Variants in COX10 observed in about 807,000 individuals in gnomAD.
COX10 encodes cytochrome c oxidase assembly factor heme A:farnesyltransferase COX10.
Under a neutral mutation model 37.3 loss-of-function variants are expected in COX10, and 27 were observed. The ratio of observed to expected loss-of-function variants is 0.72; its 90% CI spans 0.53 to 1.00. The LOEUF is 1.00. COX10 is among the 50% of genes least tolerant of loss of function. The pLI, the probability that COX10 is intolerant of heterozygous loss-of-function variation, is 0.00. For missense variants in COX10, 475 were observed against 563.2 expected, an observed-to-expected ratio of 0.84 and a Z score of 1.59; for synonymous variants, 222 against 229.1, an observed-to-expected ratio of 0.97 and a Z score of 0.28.
At chr17:14,106,928 A>T (rs1412603142) in intron 4 of COX10, among the ~76,000 whole-genome samples, 1 of 152,190 alleles carries the variant, frequency 6.6e-6, no homozygotes, top group African/African-American at 2.4e-5. Context: ...TACAGTGCAG[A>T]TGTTTCATGT....
At chr17:14,117,777 A>T (rs1296496883) in intron 4 of COX10, among the ~76,000 whole-genome samples, 1 of 152,176 alleles carries the variant, frequency 6.6e-6, no homozygotes, top group Non-Finnish European at 1.5e-5. Flanking sequence ...TAATCAGCTC[A>T]GTTAGACCTT....
intron 4 of COX10, among the ~76,000 whole-genome samples, chr17:14,141,727 G>A (rs1904550930): frequency 6.6e-6 from 1 of 151,894 alleles, no homozygotes. Flanking sequence ...TATAATTGCA[G>A]ATTTCATTAT....
At chr17:14,135,961 T>A (rs1250102625) in intron 4 of COX10, among the ~76,000 whole-genome samples, 2 of 151,998 alleles carry the variant, frequency 1.3e-5, no homozygotes, top group African/African-American at 2.4e-5. Flanking sequence ...CAGGCATTTT[T>A]AATTTTCCTT....
chr17:14,125,014 A>G (rs1916304392), intron 4 of COX10, among the ~76,000 whole-genome samples: 1 of 152,194 alleles, frequency 6.6e-6, no homozygotes, highest in Non-Finnish European at 1.5e-5. Context: ...ATGGTCAGTA[A>G]AATCAAGTCA....
intron 6 of COX10, among the ~76,000 whole-genome samples, chr17:14,201,780 G>T (rs867878729): frequency 6.6e-6 from 1 of 152,188 alleles, no homozygotes; most frequent in African/African-American, 2.4e-5. Context: ...TGTCATAACT[G>T]CAAACTCTTT....
intron 6 of COX10, among the ~76,000 whole-genome samples, chr17:14,197,753 G>A (rs1423184414): frequency 6.6e-6 from 1 of 152,248 alleles, no homozygotes; most frequent in African/African-American, 2.4e-5. Flanking sequence ...TTGCTACAGA[G>A]AGTGCTGTGC....
intron 4 of COX10, among the ~76,000 whole-genome samples, chr17:14,143,807 C>T (rs972444857): frequency 6.6e-6 from 1 of 152,138 alleles, no homozygotes; most frequent in African/African-American, 2.4e-5. Flanking sequence ...CTCCCTATTG[C>T]CCCTGGTTTC....
At chr17:14,179,629 A>G (rs1312808897) in intron 5 of COX10, among the ~76,000 whole-genome samples, 1 of 152,242 alleles carries the variant, frequency 6.6e-6, no homozygotes, top group Non-Finnish European at 1.5e-5. Flanking sequence ...CAGAGTGGAC[A>G]GTGAAAACTT....
chr17:14,070,852 C>T (rs533141019), intron 1 of COX10, among the ~76,000 whole-genome samples: 20 of 152,246 alleles, frequency 1.3e-4, no homozygotes, highest in African/African-American at 4.6e-4. Context: ...TATAAAATGA[C>T]GTAATTGAAG....
intron 3 of COX10, among the ~76,000 whole-genome samples, chr17:14,079,874 ATG>A (rs1281611690): frequency 1.3e-5 from 2 of 151,454 alleles, no homozygotes; most frequent in Non-Finnish European, 2.9e-5. Flanking sequence ...GTATGTATGT[ATG>A]TATACACACA....
At chr17:14,141,325 A>C (rs1904536884) in intron 4 of COX10, among the ~76,000 whole-genome samples, 1 of 151,980 alleles carries the variant, frequency 6.6e-6, no homozygotes, top group Non-Finnish European at 1.5e-5. Context: ...AGATTGCCTG[A>C]GCTCAGGAGT....
intron 5 of COX10, among the ~76,000 whole-genome samples, chr17:14,162,128 T>C (rs1403383227): frequency 6.6e-6 from 1 of 152,142 alleles, no homozygotes; most frequent in Non-Finnish European, 1.5e-5. Flanking sequence ...TAAAGCTAAT[T>C]ATTATTGGTG....
chr17:14,145,735 T>G, intron 4 of COX10, among the ~76,000 whole-genome samples: 1 of 152,134 alleles, frequency 6.6e-6, no homozygotes, highest in Admixed American at 6.6e-5. Context: ...ACTTCGACTA[T>G]TCTGTGAAAA....
At chr17:14,180,904 C>A (rs2530378) in intron 5 of COX10, among the ~76,000 whole-genome samples, 21 of 152,020 alleles carry the variant, frequency 1.4e-4, no homozygotes, top group African/African-American at 3.9e-4. Context: ...GTAAAGGTTC[C>A]TTTGGGCACC....
At chr17:14,132,976 CTCAA>C (rs1428551008) in intron 4 of COX10, among the ~76,000 whole-genome samples, 2 of 151,668 alleles carry the variant, frequency 1.3e-5, no homozygotes, top group African/African-American at 2.4e-5. Context: ...AACAGTACAA[CTCAA>C]TCAATTTGGA....
chr17:14,183,718 T>C (rs1223310949), intron 5 of COX10, among the ~76,000 whole-genome samples: 1 of 152,276 alleles, frequency 6.6e-6, no homozygotes, highest in African/African-American at 2.4e-5. Context: ...GGGAAACAAT[T>C]TATGGCAAGT....
At chr17:14,099,151 C>G (rs1384715361) in intron 3 of COX10, among the ~76,000 whole-genome samples, 1 of 152,120 alleles carries the variant, frequency 6.6e-6, no homozygotes, top group Non-Finnish European at 1.5e-5. Context: ...CTACTTATAT[C>G]TGTGCATGTC....
intron 4 of COX10, among the ~76,000 whole-genome samples, chr17:14,112,982 TG>T (rs1370838277): frequency 6.6e-6 from 1 of 152,124 alleles, no homozygotes; most frequent in African/African-American, 2.4e-5. Context: ...TGGTAGGTTT[TG>T]GTAACATAAT....
At chr17:14,069,753 G>A in intron 1 of COX10, 105 bp downstream of exon 1, 1 of 1,419,168 alleles carries the variant, frequency 7.0e-7, no homozygotes, top group Non-Finnish European at 9.9e-7. Flanking sequence ...CCCTTGGCGA[G>A]GTTGGCCGGC....
Sources: gnomAD v4.1 joint callset for allele counts (sites outside exome capture counted in the v4.1 genomes callset) on GRCh38, gnomAD v4.1.1 for gene constraint, MANE v1.5 for transcripts, NCBI Gene and HGNC (gene_info 2026-07-23, HGNC 2026-07-21) for gene names.